SHROOM4: variants seen among roughly 807,000 people sequenced by gnomAD.
The protein encoded by SHROOM4 is shroom family member 4, also known as protein Shroom4.
In SHROOM4, 17 loss-of-function variants were observed where a neutral mutation model predicts 80.3. The observed-to-expected ratio is 0.21, with a 90% CI of 0.14 to 0.32. The LOEUF is 0.32. Among genes scored for constraint, SHROOM4 ranks in the 10% least tolerant of loss-of-function variants. The pLI is 1.00. For synonymous variants in SHROOM4, 400 were observed against 437.5 expected (o/e 0.91, Z 1.07); for missense variants, 993 against 1,140.3 (o/e 0.87, Z 1.86).
In SHROOM4 at chrX:50,590,468, T is replaced by C. The variant is rs1557245258; in HGVS notation, c.*6227A>G. Among the ~76,000 whole-genome samples, 1 of 111,153 alleles carries C rather than the reference T, an allele frequency of 9.0e-6. No homozygotes were observed. The highest frequency in any genetic ancestry group is 3.3e-5 in the African/African-American group (1 of 30,531). ...GGTTTCACCGTGTTAGCCAGGATGG[T>C]TGCGATCTCCTGACCTCCTGATCCG... On this transcript the variant is annotated 3_prime_UTR_variant, in exon 9 of 9. Coordinates refer to ENST00000376020, the MANE Select transcript of SHROOM4 (RefSeq NM_020717.5).
chrX:50,586,034 C>A (rs1002179084), downstream of SHROOM4, among the ~76,000 whole-genome samples: 13 of 111,669 alleles, frequency 1.2e-4, no homozygotes, highest in African/African-American at 4.2e-4. Context: ...CTCACTCTTA[C>A]CACTGCCCAC....
Position 50,814,146 on chromosome X carries a change from T to C in SHROOM4, c.-128A>G. 2.0e-6 allele frequency: 1 copy of C among 496,468 alleles called. No homozygotes were observed. The highest frequency in any genetic ancestry group is 3.6e-6 in the Non-Finnish European group (1 of 279,157). The allele number at this position is 496,468 out of a possible 1,213,427, so 40.9% of individuals were successfully genotyped here. ...CCGCACCGCCCTGCTCCGCCTACTC[T>C]CCCGGCTGGAGACGCTCAGGCAGCG... On this transcript the variant is annotated 5_prime_UTR_variant, in exon 1 of 9. Transcript: ENST00000376020.
At chrX:50,636,105 G>A (rs377147881) in intron 3 of SHROOM4, among the ~76,000 whole-genome samples, 1 of 110,740 alleles carries the variant, frequency 9.0e-6, no homozygotes, top group South Asian at 3.9e-4. Flanking sequence ...ATAAATCAGT[G>A]ATTCTCAAAC....
At chrX:50,662,552 C>G (rs1324487487) in intron 2 of SHROOM4, among the ~76,000 whole-genome samples, 2 of 111,107 alleles carry the variant, frequency 1.8e-5, no homozygotes, top group Non-Finnish European at 3.8e-5. Context: ...CTAGAAAGTG[C>G]TCAACAGTGC....
At chrX:50,650,169 T>C (rs1295490140) in intron 2 of SHROOM4, among the ~76,000 whole-genome samples, 1 of 112,433 alleles carries the variant, frequency 8.9e-6, no homozygotes, top group African/African-American at 3.2e-5. Flanking sequence ...TCAAGAACTA[T>C]ATATGCATAT....
chrX:50,730,733 C>G (rs1205725498), intron 1 of SHROOM4, among the ~76,000 whole-genome samples: 20 of 109,242 alleles, frequency 1.8e-4, no homozygotes, highest in African/African-American at 6.0e-4. Context: ...CGAGATCGCA[C>G]CACTGCACTC....
the SHROOM4 span, among the ~76,000 whole-genome samples, chrX:50,579,821 C>T: frequency 8.1e-5 from 9 of 111,316 alleles, no homozygotes; most frequent in Admixed American, 1.9e-4. Context: ...CTAGGGATTA[C>T]AAGGATAAAA....
chrX:50,604,252 C>A (rs1557248147), intron 6 of SHROOM4, among the ~76,000 whole-genome samples: 2 of 111,747 alleles, frequency 1.8e-5, no homozygotes, highest in Admixed American at 1.9e-4. Context: ...CCCCAGAAAC[C>A]ATCCTAAGAT....
chrX:50,769,669 G>A (rs1453001049), intron 1 of SHROOM4, among the ~76,000 whole-genome samples: 1 of 111,756 alleles, frequency 8.9e-6, no homozygotes, highest in Non-Finnish European at 1.9e-5. Flanking sequence ...CCTTCCTGTG[G>A]AGTTCTGTGG....
chrX:50,708,204 T>C lies in SHROOM4; in HGVS notation c.118-12267A>G, dbSNP rs149573275. ...CCTCTACAAACTTGCAAAAAAGGCATGTACAACTCTGAGGTACAACCGTTC... is the reference window on the plus strand; with the variant it reads ...CCTCTACAAACTTGCAAAAAAGGCACGTACAACTCTGAGGTACAACCGTTC... On this transcript the variant is annotated intron_variant, in intron 1 of 8. Coordinates refer to ENST00000376020, the MANE Select transcript of SHROOM4 (RefSeq NM_020717.5). 4.3e-4 allele frequency among the ~76,000 whole-genome samples: 48 copies of C among 112,249 alleles called. No individual in the cohort carries two copies. The East Asian group carries it at 0.011, about 26-fold the overall frequency.
chrX:50,733,312 G>A (rs1453268785), intron 1 of SHROOM4, among the ~76,000 whole-genome samples: 1 of 111,675 alleles, frequency 9.0e-6, no homozygotes, highest in Non-Finnish European at 1.9e-5. Flanking sequence ...ATTTAAATGT[G>A]TACCCCCAGA....
At chrX:50,747,843 T>G (rs782438026) in intron 1 of SHROOM4, among the ~76,000 whole-genome samples, 1 of 112,185 alleles carries the variant, frequency 8.9e-6, no homozygotes, top group East Asian at 2.8e-4. Flanking sequence ...ATTTCTGTGG[T>G]GTACCCACTA....
At chrX:50,646,527 AG>A (rs1931843762) in intron 2 of SHROOM4, among the ~76,000 whole-genome samples, 1 of 78,781 alleles carries the variant, frequency 1.3e-5, no homozygotes, top group Non-Finnish European at 2.5e-5. Context: ...AGGGGGGAAG[AG>A]TGTGTGTGTG....
At chrX:50,644,753 GGA>G (rs1272167582) in intron 2 of SHROOM4, among the ~76,000 whole-genome samples, 1 of 111,897 alleles carries the variant, frequency 8.9e-6, no homozygotes, top group Admixed American at 9.5e-5. Context: ...GTATCTCACA[GGA>G]GAGTCTGGGT....
rs782128361 is a variant in SHROOM4, at chrX:50,746,998, A to G, written c.118-51061T>C. ...TGGTATAGAATTGTTAATCTCATTT[A>G]TAATACAACCAATCCACAAAGTTGG... On this transcript the variant is annotated intron_variant, in intron 1 of 8. Transcript: ENST00000376020. 1.2e-3 allele frequency among the ~76,000 whole-genome samples: 137 copies of G among 112,246 alleles called. 1 individual carries two copies. The highest frequency in any genetic ancestry group is 4.2e-3 in the African/African-American group (131 of 30,885).
At chrX:50,641,649 G>A (rs1290460630) in intron 2 of SHROOM4, among the ~76,000 whole-genome samples, 1 of 97,397 alleles carries the variant, frequency 1.0e-5, no homozygotes, top group Admixed American at 1.1e-4. Flanking sequence ...TCTCATTCTT[G>A]TCGCCAAGCC....
downstream of SHROOM4, among the ~76,000 whole-genome samples, chrX:50,586,269 C>T (rs1409331788): frequency 1.8e-5 from 2 of 111,630 alleles, no homozygotes; most frequent in African/African-American, 6.5e-5. Flanking sequence ...TTTTTCAGCA[C>T]TTTGACTTAT....
At chrX:50,742,954 A>G (rs1934696448) in intron 1 of SHROOM4, among the ~76,000 whole-genome samples, 1 of 111,492 alleles carries the variant, frequency 9.0e-6, no homozygotes, top group African/African-American at 3.3e-5. Context: ...TATTTATTTA[A>G]CCCATATGGA....
chrX:50,641,909 G>A (rs1480745464), intron 2 of SHROOM4, among the ~76,000 whole-genome samples: 1 of 112,581 alleles, frequency 8.9e-6, no homozygotes, highest in East Asian at 2.8e-4. Context: ...ACTGCGCCTG[G>A]CTGGCCCCTT....
Sources: allele counts gnomAD v4.1 joint callset (sites outside exome capture counted in the v4.1 genomes callset), GRCh38; gene constraint gnomAD v4.1.1; transcripts MANE v1.5; gene names NCBI Gene and HGNC (gene_info 2026-07-23, HGNC 2026-07-21).